Variants in ZNF704 observed in about 807,000 individuals in gnomAD.
ZNF704 encodes the protein zinc finger protein 704.
ZNF704 carries 10 observed loss-of-function variants against 44.7 expected under a neutral mutation model. The observed-to-expected ratio is 0.22, with a 90% confidence interval of 0.14 to 0.38. The LOEUF (loss-of-function observed/expected upper bound fraction) is 0.38, where lower values mean the gene tolerates loss of function less well. Ranked by LOEUF, ZNF704 falls within the 10% of genes least tolerant of loss-of-function variation. The probability of loss-of-function intolerance (pLI) is 1.00; values close to 1 mark genes in which losing one functional copy is unlikely to be tolerated. For missense variants in ZNF704, 390 were observed against 545.5 expected (o/e 0.71, Z 2.84); for synonymous variants, 211 against 207.6 (o/e 1.02, Z -0.14).
At chr8:80,772,575 C>T (rs912120819) in intron 2 of ZNF704, among the ~76,000 whole-genome samples, 1 of 152,056 alleles carries the variant, frequency 6.6e-6, no homozygotes, top group African/African-American at 2.4e-5. Context: ...ACTCTAACAG[C>T]ACTAGGGGGA....
chr8:80,810,193 TTACGG>T (rs1172433848), intron 2 of ZNF704, among the ~76,000 whole-genome samples: 4 of 152,228 alleles, frequency 2.6e-5, no homozygotes, highest in Non-Finnish European at 4.4e-5. Context: ...AATGCCAATC[TTACGG>T]TATCACCTGA....
intron 7 of ZNF704, among the ~76,000 whole-genome samples, chr8:80,655,897 C>A (rs952129904): frequency 1.3e-5 from 2 of 152,186 alleles, no homozygotes; most frequent in Non-Finnish European, 2.9e-5. Context: ...TCCCCAACAG[C>A]CTGAAGCCTC....
Position 80,637,575 on chromosome 8 carries a change from T to C in ZNF704, c.*3791A>G, listed in dbSNP as rs935709193. The C allele has an allele frequency of 5.9e-5, 9 of 152,212 alleles. No individual in the cohort carries two copies. Among genetic ancestry groups the C allele is most frequent in the Non-Finnish European group, 1.2e-4 (8 of 68,044 alleles). The allele number at this position is 152,212 out of a possible 1,614,324, so 9.4% of individuals were successfully genotyped here. A position where few individuals can be genotyped will look rare whatever the true frequency, so the allele number is the denominator to read the frequency against. Reference sequence around the variant, plus strand: ...TGAGATTTAATGGAGGACATTTCAGTTTCAAAAATCTTTTGCAACATATAC... The same window carrying C: ...TGAGATTTAATGGAGGACATTTCAGCTTCAAAAATCTTTTGCAACATATAC... On this transcript the variant is annotated 3_prime_UTR_variant, in exon 9 of 9. Coordinates refer to ENST00000327835, the MANE Select transcript of ZNF704 (RefSeq NM_001033723.3).
intron 4 of ZNF704, among the ~76,000 whole-genome samples, chr8:80,675,899 G>A (rs141670337): frequency 1.3e-5 from 2 of 152,276 alleles, no homozygotes; most frequent in East Asian, 3.9e-4. Flanking sequence ...GGGTGTGGAT[G>A]AGCCCATCTA....
chr8:80,642,385 G>A (rs943069516), intron 8 of ZNF704, among the ~76,000 whole-genome samples: 3 of 152,140 alleles, frequency 2.0e-5, no homozygotes, highest in Non-Finnish European at 4.4e-5. Context: ...CCATTATTAA[G>A]TAAAAGAAGG....
intron 2 of ZNF704, among the ~76,000 whole-genome samples, chr8:80,807,806 T>C (rs1563560391): frequency 1.3e-5 from 2 of 151,480 alleles, no homozygotes; most frequent in Non-Finnish European, 1.5e-5. Context: ...ATAAGTAATA[T>C]CACAAATGAA....
At chr8:80,867,664 G>A (rs1809179062) in intron 1 of ZNF704, among the ~76,000 whole-genome samples, 1 of 152,146 alleles carries the variant, frequency 6.6e-6, no homozygotes, top group East Asian at 1.9e-4. Flanking sequence ...AGCCAACACA[G>A]ACCATTTGCA....
chr8:80,785,250 T>G (rs1807595207), intron 2 of ZNF704, among the ~76,000 whole-genome samples: 1 of 152,208 alleles, frequency 6.6e-6, no homozygotes, highest in South Asian at 2.1e-4. Flanking sequence ...TGTTTTTCAC[T>G]TGATTACACT....
At chr8:80,697,003 T>G (rs1818736978) in intron 2 of ZNF704, among the ~76,000 whole-genome samples, 1 of 152,330 alleles carries the variant, frequency 6.6e-6, no homozygotes, top group Admixed American at 6.5e-5. Flanking sequence ...TGAGAGATAC[T>G]CAATCTGTAA....
rs187910339 is a variant in ZNF704 at position 80,828,356 on chromosome 8, C to G, written c.-21-6741G>C. On this transcript the variant is annotated intron_variant, in intron 1 of 8. Coordinates refer to ENST00000327835, the MANE Select transcript of ZNF704 (RefSeq NM_001033723.3). ...GACTTTGTGAAACTGAAAAAGGAGACTGAAGCTAAAGAAAGGTTTCTGTAA... is the reference window on the plus strand; with the variant it reads ...GACTTTGTGAAACTGAAAAAGGAGAGTGAAGCTAAAGAAAGGTTTCTGTAA... Among the ~76,000 whole-genome samples, 15 of 152,236 alleles carry G rather than the reference C, an allele frequency of 9.9e-5. No individual in the cohort carries two copies. In the East Asian group the frequency reaches 2.5e-3, roughly 25 times the overall value.
rs909799515 is a variant in ZNF704, at chr8:80,637,282, C to A, written c.*4084G>T. ...AAATTCTTCCTAGTTTCAGGAGTCTCCAGACCTATTTTTGCATGCCCTTTA... is the reference window on the plus strand; with the variant it reads ...AAATTCTTCCTAGTTTCAGGAGTCTACAGACCTATTTTTGCATGCCCTTTA... On this transcript the variant is annotated 3_prime_UTR_variant, in exon 9 of 9. Transcript: ENST00000327835. The A allele has an allele frequency of 2.6e-5, 4 of 152,162 alleles. No homozygotes were observed. The highest frequency in any genetic ancestry group is 9.7e-5 in the African/African-American group (4 of 41,434). The allele number at this position is 152,162 out of a possible 1,614,324, so 9.4% of individuals were successfully genotyped here.
chr8:80,794,483 G>A (rs1351544718), intron 2 of ZNF704, among the ~76,000 whole-genome samples: 2 of 152,092 alleles, frequency 1.3e-5, no homozygotes, highest in Non-Finnish European at 2.9e-5. Context: ...AAAAGACAAC[G>A]ACCCAATATA....
chr8:80,732,214 C>G (rs1806593220), intron 2 of ZNF704, among the ~76,000 whole-genome samples: 1 of 152,090 alleles, frequency 6.6e-6, no homozygotes. Flanking sequence ...TATACTACAC[C>G]CATTTTCGGG....
upstream of ZNF704, among the ~76,000 whole-genome samples, chr8:80,878,342 A>T (rs996023009): frequency 6.6e-6 from 1 of 152,086 alleles, no homozygotes; most frequent in African/African-American, 2.4e-5. Flanking sequence ...CATTATGTTC[A>T]GTGTTTTTTT....
intron 2 of ZNF704, among the ~76,000 whole-genome samples, chr8:80,781,199 T>A (rs1201615391): frequency 2.0e-5 from 3 of 152,178 alleles, no homozygotes; most frequent in African/African-American, 7.2e-5. Flanking sequence ...ATTTATCTGG[T>A]CTGAGGTGGG....
rs151319085 is a variant in ZNF704, at chr8:80,804,872, A to G, written c.221+16502T>C. The stretch of plus-strand genomic sequence containing the variant: ...AGAAAAAAAAAGCCATTTTAACACC[A>G]AAAATGCAAAGCTGTTCATCTGGCT... On this transcript the variant is annotated intron_variant, in intron 2 of 8. Transcript: ENST00000327835. Among the ~76,000 whole-genome samples, 300 of 152,264 alleles carry G rather than the reference A, an allele frequency of 2.0e-3. 2 individuals carry two copies. Among genetic ancestry groups the G allele is most frequent in the African/African-American group, 6.7e-3 (280 of 41,560 alleles).
intron 1 of ZNF704, among the ~76,000 whole-genome samples, chr8:80,826,312 A>T (rs1371648141): frequency 1.3e-5 from 2 of 152,340 alleles, no homozygotes; most frequent in Non-Finnish European, 2.9e-5. Flanking sequence ...CTATGCAAAT[A>T]AACTAGAAAA....
chr8:80,674,311 A>G (rs1818328410), intron 4 of ZNF704, among the ~76,000 whole-genome samples: 1 of 152,230 alleles, frequency 6.6e-6, no homozygotes, highest in Non-Finnish European at 1.5e-5. Flanking sequence ...CAAAGCATAT[A>G]ACTTAACAAT....
chr8:80,806,824 A>G (rs1383263709), intron 2 of ZNF704, among the ~76,000 whole-genome samples: 2 of 152,346 alleles, frequency 1.3e-5, no homozygotes, highest in Non-Finnish European at 2.9e-5. Context: ...AGCATCCTTC[A>G]TGGCAAAGGC....
Sources: allele counts gnomAD v4.1 joint callset (sites outside exome capture counted in the v4.1 genomes callset), GRCh38; gene constraint gnomAD v4.1.1; transcripts MANE v1.5; gene names NCBI Gene and HGNC (gene_info 2026-07-23, HGNC 2026-07-21).